The following PRKAG2 variants were observed in gnomAD, a reference collection of about 807,000 sequenced individuals.
PRKAG2 encodes protein kinase AMP-activated non-catalytic subunit gamma 2.
PRKAG2 carries 26 observed loss-of-function variants against 69.6 expected under a neutral mutation model. That is an observed-to-expected ratio of 0.37 (90% confidence interval 0.27 to 0.52). The LOEUF is 0.52. PRKAG2 is among the 20% of genes least tolerant of loss of function. PRKAG2 has a pLI of 0.90. For synonymous variants in PRKAG2, 293 were observed against 285.0 expected, an observed-to-expected ratio of 1.03 and a Z score of -0.28; for missense variants, 557 against 740.0, an observed-to-expected ratio of 0.75 and a Z score of 2.87.
intron 3 of PRKAG2, among the ~76,000 whole-genome samples, chr7:151,777,000 C>A (rs1443111415): frequency 6.6e-6 from 1 of 152,150 alleles, no homozygotes; most frequent in South Asian, 2.1e-4. Context: ...GAAGGTACAG[C>A]CCCCACATTC....
intron 4 of PRKAG2, among the ~76,000 whole-genome samples, chr7:151,671,752 A>G (rs1184701211): frequency 6.6e-6 from 1 of 152,246 alleles, no homozygotes; most frequent in Non-Finnish European, 1.5e-5. Context: ...CCTTGGCCAC[A>G]GAGGCTGTGA....
chr7:151,786,947 G>T (rs1356232571), intron 1 of PRKAG2, among the ~76,000 whole-genome samples: 1 of 152,222 alleles, frequency 6.6e-6, no homozygotes, highest in Non-Finnish European at 1.5e-5. Flanking sequence ...AAGATGATGG[G>T]ACAGGGATGG....
chr7:151,826,945 GA>G (rs1001554868), intron 1 of PRKAG2, among the ~76,000 whole-genome samples: 3 of 151,576 alleles, frequency 2.0e-5, no homozygotes, highest in Non-Finnish European at 4.4e-5. Context: ...GCTGTATTGA[GA>G]AAAAAAAGGC....
intron 5 of PRKAG2, among the ~76,000 whole-genome samples, chr7:151,600,768 CCTT>C (rs1393859003): frequency 6.6e-6 from 1 of 152,198 alleles, no homozygotes; most frequent in Non-Finnish European, 1.5e-5. Flanking sequence ...ACGTCCTCCT[CCTT>C]GACTTTTCCT....
intron 4 of PRKAG2, among the ~76,000 whole-genome samples, chr7:151,668,913 T>C (rs889167975): frequency 9.9e-5 from 15 of 152,188 alleles, no homozygotes; most frequent in African/African-American, 3.6e-4. Context: ...ATGGGGAGCA[T>C]GGGAGTGACT....
chr7:151,709,254 A>T (rs12672354), intron 3 of PRKAG2, among the ~76,000 whole-genome samples: 3 of 152,072 alleles, frequency 2.0e-5, no homozygotes, highest in African/African-American at 7.2e-5. Flanking sequence ...GATTTGTGAC[A>T]ATGTGTGACA....
intron 5 of PRKAG2, among the ~76,000 whole-genome samples, chr7:151,610,359 T>C (rs1264442912): frequency 8.5e-6 from 1 of 118,184 alleles, no homozygotes. Context: ...ACAGAGCGAG[T>C]CTTCATTTCA....
chr7:151,572,993 G>A (rs975846461), intron 8 of PRKAG2, among the ~76,000 whole-genome samples: 2 of 151,934 alleles, frequency 1.3e-5, no homozygotes, highest in African/African-American at 4.8e-5. Context: ...GGTGCCTGTA[G>A]TCCCAGCTAC....
At chr7:151,868,548 G>A (rs781336470) in intron 1 of PRKAG2, among the ~76,000 whole-genome samples, 24 of 152,232 alleles carry the variant, frequency 1.6e-4, no homozygotes, top group Non-Finnish European at 2.2e-4. Context: ...TGTTTGTTGC[G>A]CATTTTAAAC....
Position 151,807,449 on chromosome 7 carries a change from T to G in PRKAG2, c.115-20908A>C, listed in dbSNP as rs73160020. On this transcript the variant is annotated intron_variant, in intron 1 of 15. Coordinates refer to ENST00000287878, the MANE Select transcript of PRKAG2 (RefSeq NM_016203.4). This position sits in a 1 kb window ranked among gnomAD's most constrained non-coding sequence, Gnocchi z 4.4. ...ATTCTCTAAAACTCTCCAGTTTCAA[T>G]TGGCCTCTTGGTGCCAAAGCACCAT... The G allele has an allele frequency of 2.8e-5, 13 of 457,900 alleles. No homozygotes were observed. The highest frequency in any genetic ancestry group is 5.7e-5 in the Non-Finnish European group (13 of 226,982). The allele number at this position is 457,900 out of a possible 1,614,324, so 28.4% of individuals were successfully genotyped here. A position where few individuals can be genotyped will look rare whatever the true frequency, so the allele number is the denominator to read the frequency against.
At position 151,731,522 on chromosome 7, in the gene PRKAG2, C is replaced by CTGTGTGTGTGTG. The variant is rs113764475; in HGVS notation, c.466+49618_466+49629dup. ...TGATTTGATGGCTGTGGGGAGAGCT[C>CTGTGTGTGTGTG]TGTGTGTGTGTGTGCGCACAGGTAC... On this transcript the variant is annotated intron_variant, in intron 3 of 15. Coordinates refer to ENST00000287878, the MANE Select transcript of PRKAG2 (RefSeq NM_016203.4). Among the ~76,000 whole-genome samples, 1,065 of 107,758 alleles carry CTGTGTGTGTGTG rather than the reference C, an allele frequency of 9.9e-3. 12 individuals carry two copies. The highest frequency in any genetic ancestry group is 0.029 in the African/African-American group (1,007 of 34,580). 70.7% of individuals were successfully genotyped at this position (107,758 alleles called of 152,430 possible).
At chr7:151,716,344 G>A (rs930024985) in intron 3 of PRKAG2, among the ~76,000 whole-genome samples, 2 of 152,128 alleles carry the variant, frequency 1.3e-5, no homozygotes, top group Non-Finnish European at 2.9e-5. Flanking sequence ...GACCTCCATC[G>A]GGTGAAAATG....
At chr7:151,812,467 A>T (rs916019269) in intron 1 of PRKAG2, among the ~76,000 whole-genome samples, 1 of 152,238 alleles carries the variant, frequency 6.6e-6, no homozygotes, top group African/African-American at 2.4e-5. Flanking sequence ...CTGAAAGAAG[A>T]ACACAAAATT....
chr7:151,623,174 G>A (rs1821924475), intron 5 of PRKAG2, among the ~76,000 whole-genome samples: 1 of 151,900 alleles, frequency 6.6e-6, no homozygotes, highest in Non-Finnish European at 1.5e-5. Flanking sequence ...AGACCAGCCT[G>A]GCCAACATGG....
At chr7:151,818,994 G>A (rs115051937) in intron 1 of PRKAG2, among the ~76,000 whole-genome samples, 3,986 of 152,332 alleles carry the variant, frequency 0.026, 166 homozygotes, top group African/African-American at 0.091. Context: ...GCTCTGCGCC[G>A]TGAACATCCT....
chr7:151,575,509 G>A (rs1432329965), intron 7 of PRKAG2, among the ~76,000 whole-genome samples: 1 of 152,190 alleles, frequency 6.6e-6, no homozygotes, highest in Non-Finnish European at 1.5e-5. Flanking sequence ...TACTAAGAGA[G>A]ACAATGGCAT....
At chr7:151,745,534 G>A (rs1229002125) in intron 3 of PRKAG2, among the ~76,000 whole-genome samples, 2 of 152,088 alleles carry the variant, frequency 1.3e-5, no homozygotes, top group African/African-American at 2.4e-5. Context: ...GCACAGCCTC[G>A]TGGTGACCAC....
At chr7:151,839,458 G>A (rs890124938) in intron 1 of PRKAG2, among the ~76,000 whole-genome samples, 1 of 152,192 alleles carries the variant, frequency 6.6e-6, no homozygotes, top group African/African-American at 2.4e-5. Flanking sequence ...CCATGAGTCT[G>A]CTATTTTTCA....
At chr7:151,875,799 A>G (rs2080382873) in intron 1 of PRKAG2, among the ~76,000 whole-genome samples, 1 of 152,014 alleles carries the variant, frequency 6.6e-6, no homozygotes, top group Non-Finnish European at 1.5e-5. Context: ...CCGCAGGCAG[A>G]TCCGAGTCGC....
Sources: gnomAD v4.1 joint callset for allele counts (sites outside exome capture counted in the v4.1 genomes callset) on GRCh38, gnomAD v4.1.1 for gene constraint, Gnocchi (gnomAD v3.1) non-coding constraint, MANE v1.5 for transcripts, NCBI Gene and HGNC (gene_info 2026-07-23, HGNC 2026-07-21) for gene names.